UPF2: variants seen among roughly 807,000 people sequenced by gnomAD.
UPF2 encodes regulator of nonsense transcripts 2.
A neutral mutation model predicts 141.4 loss-of-function variants in UPF2; 17 were observed. The ratio of observed to expected loss-of-function variants is 0.12; its 90% confidence interval spans 0.08 to 0.18. The LOEUF is 0.18. Ranked by LOEUF, UPF2 falls within the 10% of genes least tolerant of loss-of-function variation. The pLI is 1.00. For missense variants in UPF2, 1,152 were observed against 1,515.9 expected, an observed-to-expected ratio of 0.76 and a Z score of 3.99; for synonymous variants, 540 against 498.0, an observed-to-expected ratio of 1.08 and a Z score of -1.12.
intron 4 of UPF2, among the ~76,000 whole-genome samples, chr10:12,008,183 G>A (rs1834066956): frequency 6.6e-6 from 1 of 151,626 alleles, no homozygotes. Flanking sequence ...GATACAAGGG[G>A]AAAAAGGACA....
intron 14 of UPF2, 22 bp downstream of exon 14, chr10:11,955,210 C>T (rs376702852): frequency 1.9e-5 from 30 of 1,546,542 alleles, no homozygotes; most frequent in Non-Finnish European, 2.5e-5. Flanking sequence ...TGATGCCAAA[C>T]TGAATATTTC....
chr10:11,952,059 TG>T lies in UPF2; in HGVS notation c.3034+6del. The T allele has an allele frequency of 6.2e-7, 1 of 1,612,656 alleles. No homozygotes were observed. The highest frequency in any genetic ancestry group is 8.5e-7 in the Non-Finnish European group (1 of 1,179,144). On this transcript the variant is annotated splice_donor_region_variant and intron_variant, in intron 15 of 21. Transcript: ENST00000357604. ...CCTTCATTTTCTGTCTGCAATCAAT[TG>T]CTTACCTAGTTTTATTAAGAATTCT...
At chr10:11,975,168 G>T (rs902767163) in intron 9 of UPF2, among the ~76,000 whole-genome samples, 4 of 152,182 alleles carry the variant, frequency 2.6e-5, no homozygotes, top group Non-Finnish European at 4.4e-5. Flanking sequence ...GGCTAAAACA[G>T]GAGGATTGCG....
At chr10:12,006,057 T>C (rs1318337831) in intron 4 of UPF2, among the ~76,000 whole-genome samples, 2 of 151,690 alleles carry the variant, frequency 1.3e-5, no homozygotes, top group African/African-American at 2.4e-5. Flanking sequence ...TTTTTCCATT[T>C]TTAGTAGAGA....
intron 8 of UPF2, among the ~76,000 whole-genome samples, chr10:11,993,669 C>T (rs1833819178): frequency 6.6e-6 from 1 of 152,088 alleles, no homozygotes; most frequent in Non-Finnish European, 1.5e-5. Flanking sequence ...ACTAAAATTA[C>T]CACATGTCAG....
At chr10:11,950,549 T>C (rs1028528860) in intron 15 of UPF2, among the ~76,000 whole-genome samples, 1 of 152,114 alleles carries the variant, frequency 6.6e-6, no homozygotes, top group African/African-American at 2.4e-5. Context: ...TCCTTTAATT[T>C]AGCCTTTTGA....
chr10:11,982,707 A>ACCTCCG (rs1178995403), intron 8 of UPF2, among the ~76,000 whole-genome samples: 1 of 151,516 alleles, frequency 6.6e-6, no homozygotes, highest in African/African-American at 2.4e-5. Flanking sequence ...GATCACCACG[A>ACCTCCG]CCTCCGCCTC....
chr10:12,030,949 T>C (rs4747958), intron 2 of UPF2, among the ~76,000 whole-genome samples: 125,329 of 150,384 alleles, frequency 0.83, 52,472 homozygotes, highest in Non-Finnish European at 0.88. Context: ...CCGAGGCGGG[T>C]GGATCACGAG....
intron 3 of UPF2, among the ~76,000 whole-genome samples, chr10:12,015,596 G>A (rs888199168): frequency 6.6e-6 from 1 of 152,168 alleles, no homozygotes; most frequent in Non-Finnish European, 1.5e-5. Context: ...CAGTTACTCA[G>A]GAGGCCGAGG....
chr10:11,964,197 T>C, intron 10 of UPF2, 72 bp from the exon 11 acceptor site: 2 of 1,134,388 alleles, frequency 1.8e-6, no homozygotes, highest in Non-Finnish European at 2.5e-6. Context: ...TTATCATACA[T>C]CTAATGTGTG....
chr10:11,990,500 G>A (rs1020936741), intron 8 of UPF2, among the ~76,000 whole-genome samples: 2 of 152,112 alleles, frequency 1.3e-5, no homozygotes, highest in South Asian at 2.1e-4. Context: ...CTAACATGGT[G>A]AAACCCCATC....
At chr10:12,022,159 CCTACCA>C (rs1834329402) in intron 3 of UPF2, among the ~76,000 whole-genome samples, 5 of 150,210 alleles carry the variant, frequency 3.3e-5, no homozygotes, top group South Asian at 4.2e-4. Flanking sequence ...CTCCTGTAAT[CCTACCA>C]CTTTGGGAGG....
chr10:11,946,461 C>T (rs1833001220), intron 16 of UPF2, among the ~76,000 whole-genome samples: 1 of 152,092 alleles, frequency 6.6e-6, no homozygotes, highest in African/African-American at 2.4e-5. Context: ...TATTTACATC[C>T]CATTTACTCA....
chr10:12,021,674 C>A (rs1834320302), intron 3 of UPF2, among the ~76,000 whole-genome samples: 2 of 152,160 alleles, frequency 1.3e-5, no homozygotes, highest in Non-Finnish European at 2.9e-5. Flanking sequence ...ATAGTCTTGA[C>A]AAACATACAG....
intron 10 of UPF2, among the ~76,000 whole-genome samples, chr10:11,965,608 TG>T (rs1833306082): frequency 1.3e-5 from 2 of 152,068 alleles, no homozygotes; most frequent in South Asian, 4.1e-4. Context: ...TACAGGTGCC[TG>T]CCACCACTCC....
At chr10:12,037,877 C>A (rs188238899) in intron 1 of UPF2, among the ~76,000 whole-genome samples, 180 of 152,254 alleles carry the variant, frequency 1.2e-3, no homozygotes, top group Non-Finnish European at 2.2e-3. Context: ...GCAACCTAGA[C>A]CAACAGAAAC....
chr10:11,960,834 G>A lies in UPF2; in HGVS notation c.2185-1478C>T, dbSNP rs574751861. ...TAGCCAGGTGCACTGGCTCATGCCT[G>A]TAATCCCAACACTTTGGGAGGCCAA... On this transcript the variant is annotated intron_variant, in intron 11 of 21. Coordinates refer to ENST00000357604, the MANE Select transcript of UPF2 (RefSeq NM_015542.4). Among the ~76,000 whole-genome samples, 9 of 151,830 alleles carry A rather than the reference G, an allele frequency of 5.9e-5. 1 individual carries two copies. Among genetic ancestry groups the A allele is most frequent in the African/African-American group, 1.9e-4 (8 of 41,440 alleles).
intron 18 of UPF2, among the ~76,000 whole-genome samples, chr10:11,938,858 T>TC (rs1564337790): frequency 8.6e-5 from 6 of 69,406 alleles, no homozygotes; most frequent in African/African-American, 3.6e-4. Context: ...TTTTTGTTTT[T>TC]TTTTTTTTTT....
At chr10:12,005,357 G>A (rs992168954) in intron 4 of UPF2, among the ~76,000 whole-genome samples, 14 of 152,174 alleles carry the variant, frequency 9.2e-5, no homozygotes, top group Admixed American at 9.2e-4. Context: ...AGATTCTAAA[G>A]AACAGAAGTC....
Sources: gnomAD v4.1 joint callset for allele counts (sites outside exome capture counted in the v4.1 genomes callset) on GRCh38, gnomAD v4.1.1 for gene constraint, MANE v1.5 for transcripts, NCBI Gene and HGNC (gene_info 2026-07-23, HGNC 2026-07-21) for gene names.